The following MSH4 variants were observed in gnomAD, a reference collection of about 807,000 sequenced individuals.
The protein encoded by MSH4 is mutS homolog 4.
Under a neutral mutation model 113.7 loss-of-function variants are expected in MSH4, and 106 were observed. That is an observed-to-expected ratio of 0.93 (90% CI 0.80 to 1.10). The LOEUF is 1.10. MSH4 is among the 50% of genes least tolerant of loss of function. The pLI is 0.00. For missense variants in MSH4, 1,061 were observed against 1,093.7 expected (o/e 0.97, Z 0.42); for synonymous variants, 368 against 380.2 (o/e 0.97, Z 0.37).
intron 16 of MSH4, among the ~76,000 whole-genome samples, chr1:75,889,677 A>G (rs1652208991): frequency 6.6e-6 from 1 of 152,164 alleles, no homozygotes; most frequent in African/African-American, 2.4e-5. Context: ...ACCATTTTGC[A>G]TAGTATTTAT....
chr1:75,871,781 A>G (rs1651716450), intron 9 of MSH4, among the ~76,000 whole-genome samples: 1 of 152,262 alleles, frequency 6.6e-6, no homozygotes. Flanking sequence ...ATTTATGTCC[A>G]ACAATGGTCA....
intron 3 of MSH4, among the ~76,000 whole-genome samples, chr1:75,809,031 A>G (rs1048064713): frequency 6.6e-6 from 1 of 152,048 alleles, no homozygotes; most frequent in Non-Finnish European, 1.5e-5. Flanking sequence ...CTTGAGTAGC[A>G]GGGACCACAG....
At chr1:75,877,994 C>G (rs940547537) in intron 10 of MSH4, among the ~76,000 whole-genome samples, 155 bp from the exon 11 acceptor site, 5 of 145,154 alleles carry the variant, frequency 3.4e-5, no homozygotes, top group African/African-American at 1.2e-4. Context: ...AGTCACAGCT[C>G]TAACTTAAGT....
chr1:75,848,334 C>A, intron 8 of MSH4, 58 bp downstream of exon 8: 1 of 1,182,836 alleles, frequency 8.5e-7, no homozygotes, highest in Non-Finnish European at 1.2e-6. Context: ...TGGAACTTGT[C>A]TTAATGTAAT....
chr1:75,854,007 GTGTGTGTA>G (rs1651253808), intron 8 of MSH4, among the ~76,000 whole-genome samples: 1 of 50,408 alleles, frequency 2.0e-5, no homozygotes, highest in African/African-American at 5.3e-5. Context: ...GCATAAGTGT[GTGTGTGTA>G]TATATATATA....
At chr1:75,857,204 A>C (rs1651338692) in intron 8 of MSH4, among the ~76,000 whole-genome samples, 1 of 152,036 alleles carries the variant, frequency 6.6e-6, no homozygotes. Flanking sequence ...TGTCGGATGG[A>C]TAGATTGCAA....
chr1:75,834,472 C>T (rs1650783348), intron 7 of MSH4, among the ~76,000 whole-genome samples: 1 of 152,206 alleles, frequency 6.6e-6, no homozygotes, highest in South Asian at 2.1e-4. Flanking sequence ...TATAAAGACA[C>T]ATGCACACAT....
Position 75,815,072 on chromosome 1 carries a change from T to A in MSH4, c.751T>A (p.Leu251Ile). 6.2e-7 allele frequency: 1 copy of A among 1,607,502 alleles called. No individual in the cohort carries two copies. The highest frequency in any genetic ancestry group is 8.5e-7 in the Non-Finnish European group (1 of 1,176,360). Residue 251 changes from leucine (L) to isoleucine (I), a missense_variant, in exon 5 of 20, where the codon TTA (leucine) becomes ATA (isoleucine). Coordinates refer to ENST00000263187, the MANE Select transcript of MSH4 (RefSeq NM_002440.4). ...GAAATACTTCAATGAAACAAAAGGATTAGAGTACATTGAACAGTTATGCAT... is the reference window on the plus strand; with the variant it reads ...GAAATACTTCAATGAAACAAAAGGAATAGAGTACATTGAACAGTTATGCAT... ...QRKYFNETKGLEYIEQLCIAE... is the reference protein window; with the variant it reads ...QRKYFNETKGIEYIEQLCIAE...
At chr1:75,844,720 A>G (rs1302211585) in intron 7 of MSH4, among the ~76,000 whole-genome samples, 2 of 152,344 alleles carry the variant, frequency 1.3e-5, no homozygotes, top group African/African-American at 4.8e-5. Flanking sequence ...GAACACTGTA[A>G]GCTGGAAAAT....
chr1:75,878,656 A>G (rs1376116667), intron 11 of MSH4, among the ~76,000 whole-genome samples: 2 of 151,988 alleles, frequency 1.3e-5, no homozygotes, highest in Admixed American at 6.6e-5. Flanking sequence ...CGTTGTCTCT[A>G]CAAAAACTGA....
At chr1:75,817,188 A>T (rs1650311213) in intron 6 of MSH4, among the ~76,000 whole-genome samples, 1 of 152,230 alleles carries the variant, frequency 6.6e-6, no homozygotes, top group East Asian at 1.9e-4. Flanking sequence ...TTTGTACTAA[A>T]TAACAAAAAA....
intron 7 of MSH4, among the ~76,000 whole-genome samples, chr1:75,844,647 A>T (rs938668079): frequency 1.3e-5 from 2 of 152,136 alleles, no homozygotes; most frequent in African/African-American, 2.4e-5. Flanking sequence ...AAAGTTTTTT[A>T]AAAAAATACC....
At chr1:75,865,146 A>G (rs775505601) in intron 8 of MSH4, among the ~76,000 whole-genome samples, 2 of 149,850 alleles carry the variant, frequency 1.3e-5, no homozygotes, top group Non-Finnish European at 3.0e-5. Context: ...TTACTTCCCC[A>G]CTCCCTTGCT....
At chr1:75,898,311 A>C (rs1652429033) in intron 18 of MSH4, among the ~76,000 whole-genome samples, 1 of 152,096 alleles carries the variant, frequency 6.6e-6, no homozygotes, top group African/African-American at 2.4e-5. Flanking sequence ...GTAAAAATAC[A>C]GTGACAACTG....
rs372643929 is a variant in MSH4, at chr1:75,816,336, A to G, written c.816-37A>G. On this transcript the variant is annotated intron_variant, in intron 5 of 19. Transcript: ENST00000263187. Reference sequence around the variant, plus strand: ...GGGGAAATAGATAATTTTTTATATTAAAGACTTATAGTGATGTATTATTGG... The same window carrying G: ...GGGGAAATAGATAATTTTTTATATTGAAGACTTATAGTGATGTATTATTGG... 1.0e-5 allele frequency: 14 copies of G among 1,356,014 alleles called. No homozygotes were observed. The African/African-American group carries it at 1.5e-4, about 14-fold the overall frequency. The allele number at this position is 1,356,014 out of a possible 1,614,324, so 84.0% of individuals were successfully genotyped here.
intron 9 of MSH4, among the ~76,000 whole-genome samples, chr1:75,868,618 G>T (rs1198750190): frequency 6.6e-6 from 1 of 152,188 alleles, no homozygotes; most frequent in African/African-American, 2.4e-5. Context: ...ACCTTAAATT[G>T]TAAGAATCCC....
intron 2 of MSH4, among the ~76,000 whole-genome samples, chr1:75,804,777 G>A (rs573999820): frequency 6.6e-6 from 1 of 150,734 alleles, no homozygotes. Flanking sequence ...CAAAGTGCTG[G>A]GATTACAGGC....
chr1:75,852,612 A>T (rs1055754376), intron 8 of MSH4, among the ~76,000 whole-genome samples: 2 of 152,164 alleles, frequency 1.3e-5, no homozygotes, highest in Admixed American at 6.5e-5. Flanking sequence ...CATTTCCATG[A>T]TGACTGACAA....
Position 75,867,388 on chromosome 1 carries a change from A to G in MSH4, c.1231-126A>G, listed in dbSNP as rs548067645. 4.8e-5 allele frequency: 29 copies of G among 607,330 alleles called. No individual in the cohort carries two copies. In the African/African-American group the frequency reaches 5.7e-4, roughly 12 times the overall value. The allele number at this position is 607,330 out of a possible 1,614,324, so 37.6% of individuals were successfully genotyped here. A position where few individuals can be genotyped will look rare whatever the true frequency, so the allele number is the denominator to read the frequency against. On this transcript the variant is annotated intron_variant, in intron 8 of 19. Transcript: ENST00000263187. ...ATTTTGTATCATTCTTTAGGCTTGC[A>G]TTGCGGCTAGGCTGATATATAAAAA...
Sources: gnomAD v4.1 joint callset for allele counts (sites outside exome capture counted in the v4.1 genomes callset) on GRCh38, gnomAD v4.1.1 for gene constraint, MANE v1.5 for transcripts, NCBI Gene and HGNC (gene_info 2026-07-23, HGNC 2026-07-21) for gene names.